The following TRIP12 variants were observed in gnomAD, a reference collection of about 807,000 sequenced individuals.
TRIP12 encodes the protein E3 ubiquitin-protein ligase TRIP12.
TRIP12 carries 25 observed loss-of-function variants against 244.2 expected under a neutral mutation model. The observed-to-expected ratio is 0.10, with a 90% confidence interval of 0.07 to 0.14. TRIP12 has a LOEUF of 0.14. Among genes scored for constraint, TRIP12 ranks in the 10% least tolerant of loss-of-function variants. The pLI is 1.00. For missense variants in TRIP12, 1,677 were observed against 2,486.4 expected, an observed-to-expected ratio of 0.67 and a Z score of 6.92; for synonymous variants, 905 against 873.1, an observed-to-expected ratio of 1.04 and a Z score of -0.64.
rs2037115449 is a variant in TRIP12, at chr2:229,778,730, C to A, written c.5210-143G>T. 2 of 1,338,494 alleles carry A rather than the reference C, an allele frequency of 1.5e-6. No homozygotes were observed. The highest frequency in any genetic ancestry group is 1.5e-5 in the African/African-American group (1 of 68,350). The allele number at this position is 1,338,494 out of a possible 1,614,324, so 82.9% of individuals were successfully genotyped here. A position where few individuals can be genotyped will look rare whatever the true frequency, so the allele number is the denominator to read the frequency against. On this transcript the variant is annotated intron_variant, in intron 35 of 41. Transcript: ENST00000675903. The surrounding 1 kb of genome is among the most constrained non-coding windows in gnomAD (Gnocchi z 4.1). ...ATGAAGTCCTCTAGAACTGGACAGG[C>A]CTTCCCTATTTGATAAATGAGAAAA...
At chr2:229,826,372 A>T (rs1452978960) in intron 8 of TRIP12, among the ~76,000 whole-genome samples, 1 of 152,218 alleles carries the variant, frequency 6.6e-6, no homozygotes, top group African/African-American at 2.4e-5. Context: ...AGGTCTCTAG[A>T]TCCAACAACC....
chr2:229,815,896 T>C (rs2048380300), intron 9 of TRIP12, among the ~76,000 whole-genome samples: 1 of 152,198 alleles, frequency 6.6e-6, no homozygotes, highest in Admixed American at 6.5e-5. Context: ...CATATATGCA[T>C]GAATAAGTTT....
intron 17 of TRIP12, chr2:229,807,492 G>C (rs2154275508): frequency 1.7e-6 from 1 of 588,778 alleles, no homozygotes; most frequent in Non-Finnish European, 3.0e-6. Context: ...CTTGCTCCAA[G>C]TCAATCAGGT....
Position 229,884,703 on chromosome 2 carries a change from G to A in TRIP12, c.-49-4575C>T, listed in dbSNP as rs939272840. 2.0e-5 allele frequency among the ~76,000 whole-genome samples: 3 copies of A among 152,158 alleles called. 1 individual carries two copies. The highest frequency in any genetic ancestry group is 7.2e-5 in the African/African-American group (3 of 41,434). On this transcript the variant is annotated intron_variant, in intron 1 of 41. Coordinates refer to ENST00000675903, the MANE Select transcript of TRIP12 (RefSeq NM_001348323.3). The stretch of plus-strand genomic sequence containing the variant: ...AAAAATAAAGCCAGGCACGGTGGTG[G>A]ATGCCTGTAGTCTCTGCTGCTGGGA...
chr2:229,835,756 A>C (rs1435897645), intron 6 of TRIP12, among the ~76,000 whole-genome samples: 1 of 152,198 alleles, frequency 6.6e-6, no homozygotes, highest in Non-Finnish European at 1.5e-5. Flanking sequence ...CCCATTTGGG[A>C]ATTGCCCCAT....
rs2054548470 is a variant in TRIP12 at position 229,835,418 on chromosome 2, C to T, written c.1270+1430G>A. 2.6e-5 allele frequency among the ~76,000 whole-genome samples: 4 copies of T among 152,164 alleles called. No homozygotes were observed. In the South Asian group the frequency reaches 8.3e-4, roughly 32 times the overall value. ...ATTTTGAACCCCGTTCCCATTCCAG[C>T]CTTCAATTATATATTCGTATAAATT... On this transcript the variant is annotated intron_variant, in intron 6 of 41. Coordinates refer to ENST00000675903, the MANE Select transcript of TRIP12 (RefSeq NM_001348323.3).
intron 1 of TRIP12, among the ~76,000 whole-genome samples, chr2:229,914,381 G>A (rs1024868153): frequency 2.0e-5 from 3 of 152,252 alleles, no homozygotes; most frequent in South Asian, 2.1e-4. Flanking sequence ...AAACACTGGG[G>A]TCTGAGAAGT....
intron 6 of TRIP12, 28 bp downstream of exon 6, chr2:229,836,820 A>G (rs371797527): frequency 1.4e-4 from 219 of 1,574,378 alleles, no homozygotes; most frequent in Non-Finnish European, 1.8e-4. Flanking sequence ...ACAGAAACGC[A>G]TTTTAAAGCT....
intron 4 of TRIP12, among the ~76,000 whole-genome samples, chr2:229,844,483 T>C (rs140008811): frequency 1.3e-5 from 2 of 152,232 alleles, no homozygotes; most frequent in Middle Eastern, 3.2e-3. Flanking sequence ...ACATGATCTA[T>C]GTTAAAGGCA....
At position 229,814,333 on chromosome 2, in the gene TRIP12, C is replaced by G. The variant is rs1553635717; in HGVS notation, c.1732-8G>C. The G allele has an allele frequency of 6.2e-7, 1 of 1,613,180 alleles. No homozygotes were observed. The highest frequency in any genetic ancestry group is 1.3e-5 in the African/African-American group (1 of 75,000). Reference sequence around the variant, plus strand: ...ACACTGAATAACTTGCAGCTGGGAACATATATATAGTTACCATAAGGTTAT... The same window carrying G: ...ACACTGAATAACTTGCAGCTGGGAAGATATATATAGTTACCATAAGGTTAT... On this transcript the variant is annotated splice_polypyrimidine_tract_variant and splice_region_variant and intron_variant, in intron 11 of 41. Transcript: ENST00000675903.
chr2:229,857,922 T>G (rs2059878615), intron 4 of TRIP12, among the ~76,000 whole-genome samples: 1 of 152,126 alleles, frequency 6.6e-6, no homozygotes, highest in Non-Finnish European at 1.5e-5. Context: ...TATATAAGAG[T>G]AGTGAAACAT....
At position 229,810,868 on chromosome 2, in the gene TRIP12, A is replaced by AT. The variant is rs2047099391; in HGVS notation, c.2221+11dup. 2 of 1,612,516 alleles carry AT rather than the reference A, an allele frequency of 1.2e-6. No individual in the cohort carries two copies. The highest frequency in any genetic ancestry group is 1.7e-6 in the Non-Finnish European group (2 of 1,179,430). ...TTTCCTGCTTAAAGTAGAACAGTAAATTTGCACTTACTTTGTTTCATAAGT... is the reference window on the plus strand; with the variant it reads ...TTTCCTGCTTAAAGTAGAACAGTAAATTTTGCACTTACTTTGTTTCATAAGT... On this transcript the variant is annotated intron_variant, in intron 15 of 41. Coordinates refer to ENST00000675903, the MANE Select transcript of TRIP12 (RefSeq NM_001348323.3).
intron 2 of TRIP12, among the ~76,000 whole-genome samples, chr2:229,864,320 T>C (rs1265596337): frequency 6.6e-6 from 1 of 152,188 alleles, no homozygotes; most frequent in Admixed American, 6.5e-5. Context: ...TAAATCCACT[T>C]GAGACTTATT....
intron 4 of TRIP12, among the ~76,000 whole-genome samples, chr2:229,845,464 G>T (rs1049665386): frequency 6.6e-6 from 1 of 152,084 alleles, no homozygotes; most frequent in South Asian, 2.1e-4. Context: ...ATTGTATGTG[G>T]TCAGCAAGGC....
Position 229,858,856 on chromosome 2 carries a change from G to A in TRIP12, c.943C>T (p.Pro315Ser), listed in dbSNP as rs2154335857. ...AARFSPKVSLPKTKLSLPGSS... is the reference protein window; with the variant it reads ...AARFSPKVSLSKTKLSLPGSS... ...CCTGGAAGAGACAGTTTTGTTTTAG[G>A]AAGGCTAACTTTAGGGCTGAAACGA... The change falls in exon 4 of 42, where the codon CCT (proline) becomes TCT (serine). Residue 315 changes from proline to serine, a missense_variant. Around this residue, in one of 11 missense-constraint regions of TRIP12, gnomAD observed 387 missense variants for 392.6 expected, o/e 0.99. Coordinates refer to ENST00000675903, the MANE Select transcript of TRIP12 (RefSeq NM_001348323.3). 1.2e-6 allele frequency: 2 copies of A among 1,614,168 alleles called. No homozygotes were observed. The highest frequency in any genetic ancestry group is 1.3e-5 in the African/African-American group (1 of 75,044).
upstream of TRIP12, chr2:229,922,457 C>T: frequency 6.3e-7 from 1 of 1,575,664 alleles, no homozygotes; most frequent in Non-Finnish European, 8.7e-7. Context: ...GGCCCCTTGA[C>T]CCCAACCAAG....
In TRIP12 at chr2:229,788,902, A is replaced by G; in HGVS notation, c.4734T>C (p.Phe1578=). The stretch of plus-strand genomic sequence containing the variant: ...CTTTTGCTGTTAACTTACTGTTAAT[A>G]AATTCACTAGTTGGAATAATTTCCT... The part of the protein sequence containing the change: ...MCKEIIPTSE[F]INSKLTAKAN... Residue 1578 remains phenylalanine, a synonymous_variant, in exon 32 of 42, where the codon TTT becomes TTC. Coordinates refer to ENST00000675903, the MANE Select transcript of TRIP12 (RefSeq NM_001348323.3). 6.2e-7 allele frequency: 1 copy of G among 1,613,790 alleles called. No individual in the cohort carries two copies. Among genetic ancestry groups the G allele is most frequent in the Non-Finnish European group, 8.5e-7 (1 of 1,179,800 alleles).
At chr2:229,771,416 T>C in intron 39 of TRIP12, 103 bp downstream of exon 39, 4 of 898,772 alleles carry the variant, frequency 4.5e-6, no homozygotes, top group Non-Finnish European at 6.8e-6. Flanking sequence ...CTAACACCCA[T>C]TTTTTTGTTT....
At chr2:229,773,228 A>G (rs976804104) in intron 38 of TRIP12, among the ~76,000 whole-genome samples, 2 of 151,934 alleles carry the variant, frequency 1.3e-5, no homozygotes, top group African/African-American at 4.8e-5. Flanking sequence ...GGTGTGTGCC[A>G]CCACACCTGG....
Sources: allele counts gnomAD v4.1 joint callset (sites outside exome capture counted in the v4.1 genomes callset), GRCh38; gene constraint gnomAD v4.1.1; regional missense constraint gnomAD v4.1.1; non-coding constraint Gnocchi (gnomAD v3.1); transcripts MANE v1.5; gene names NCBI Gene and HGNC (gene_info 2026-07-23, HGNC 2026-07-21).